Variants in KDM4C observed in about 807,000 individuals in gnomAD.
KDM4C encodes lysine-specific demethylase 4C.
A neutral mutation model predicts 129.3 loss-of-function variants in KDM4C; 81 were observed. That is an observed-to-expected ratio of 0.63 (90% CI 0.52 to 0.75). KDM4C has a LOEUF of 0.75. KDM4C is among the 30% of genes least tolerant of loss of function. The pLI, the probability that KDM4C is intolerant of heterozygous loss-of-function variation, is 0.00. For synonymous variants in KDM4C, 573 were observed against 456.1 expected (o/e 1.26, Z -3.26); for missense variants, 1,457 against 1,304.0 (o/e 1.12, Z -1.81).
At chr9:6,740,493 G>A (rs1164865117) in intron 1 of KDM4C, among the ~76,000 whole-genome samples, 3 of 151,502 alleles carry the variant, frequency 2.0e-5, no homozygotes, top group Non-Finnish European at 2.9e-5. Flanking sequence ...GTGAGCCACT[G>A]CGCCTGGCCT....
At chr9:6,743,665 G>C (rs992744123) in intron 1 of KDM4C, among the ~76,000 whole-genome samples, 1 of 151,950 alleles carries the variant, frequency 6.6e-6, no homozygotes, top group African/African-American at 2.4e-5. Flanking sequence ...GTACAACCAA[G>C]CCTGGCTATT....
intron 18 of KDM4C, among the ~76,000 whole-genome samples, chr9:7,119,338 G>A (rs559058362): frequency 6.6e-6 from 1 of 152,206 alleles, no homozygotes; most frequent in Non-Finnish European, 1.5e-5. Flanking sequence ...AGAAAAATTT[G>A]TGTCTTAGAA....
rs185351418 is a variant in KDM4C at position 6,779,834 on chromosome 9, A to G, written c.-17-13138A>G. On this transcript the variant is annotated intron_variant, in intron 1 of 21. Transcript: ENST00000381309. ...TTTACAAATACCAGATGTGCATCAC[A>G]TGGAGGTTTATTCACTCCTATTTGC... Among the ~76,000 whole-genome samples the G allele has an allele frequency of 3.0e-4, 45 of 152,330 alleles. No homozygotes were observed. In the East Asian group the frequency reaches 4.2e-3, roughly 14 times the overall value.
Position 6,814,763 on chromosome 9 carries a change from G to A in KDM4C, c.435+18G>A, listed in dbSNP as rs1315238889. ...ATGATGAGGTACATTCATATTTACA[G>A]TGAGTTTTGTAAAGATCATTGGATG... On this transcript the variant is annotated intron_variant, in intron 4 of 21. Transcript: ENST00000381309. 7 of 1,444,620 alleles carry A rather than the reference G, an allele frequency of 4.8e-6. No homozygotes were observed. In the South Asian group the frequency reaches 7.1e-5, roughly 15 times the overall value. 89.5% of individuals were successfully genotyped at this position (1,444,620 alleles called of 1,614,324 possible). A position where few individuals can be genotyped will look rare whatever the true frequency, so the allele number is the denominator to read the frequency against.
chr9:6,925,131 A>G, intron 8 of KDM4C: 1 of 985,372 alleles, frequency 1.0e-6, no homozygotes, highest in Non-Finnish European at 1.2e-6. Context: ...GAACTCTTTC[A>G]TGGATGCCAA....
intron 1 of KDM4C, among the ~76,000 whole-genome samples, chr9:6,790,259 T>A (rs1018574333): frequency 1.3e-5 from 2 of 151,738 alleles, no homozygotes; most frequent in East Asian, 4.0e-4. Context: ...TGCTCTGTTT[T>A]TTTTGTTTTT....
At chr9:7,047,650 G>A (rs971262725) in intron 16 of KDM4C, among the ~76,000 whole-genome samples, 1 of 152,040 alleles carries the variant, frequency 6.6e-6, no homozygotes, top group Non-Finnish European at 1.5e-5. Context: ...CCAGATTCAT[G>A]TCTAAGATAT....
chr9:6,820,704 C>T (rs1416191376), intron 4 of KDM4C, among the ~76,000 whole-genome samples: 1 of 113,900 alleles, frequency 8.8e-6, no homozygotes, highest in Non-Finnish European at 1.8e-5. Flanking sequence ...CTTGATCTCT[C>T]TCTCTCTCTC....
At chr9:6,727,285 T>G (rs946362801) in intron 1 of KDM4C, 1 of 151,354 alleles carries the variant, frequency 6.6e-6, no homozygotes, top group African/African-American at 2.4e-5. Context: ...ACCCCGTCTC[T>G]ACTAAAAATA....
At chr9:6,763,419 C>A (rs1381147223) in intron 1 of KDM4C, among the ~76,000 whole-genome samples, 1 of 152,166 alleles carries the variant, frequency 6.6e-6, no homozygotes, top group Non-Finnish European at 1.5e-5. Context: ...ATCCTGCACA[C>A]TGGCCATAGC....
At chr9:6,753,412 A>G (rs560959661), upstream of KDM4C, among the ~76,000 whole-genome samples, 65 of 152,304 alleles carry the variant, frequency 4.3e-4, 1 homozygote, top group South Asian at 0.011. Context: ...GTGCTATAAT[A>G]GGATACCACA....
intron 1 of KDM4C, among the ~76,000 whole-genome samples, chr9:6,765,336 C>G (rs1334332677): frequency 1.3e-5 from 2 of 152,156 alleles, no homozygotes; most frequent in Non-Finnish European, 2.9e-5. Flanking sequence ...CCTTTTCATA[C>G]ATCTTTCTGA....
intron 19 of KDM4C, among the ~76,000 whole-genome samples, chr9:7,158,846 G>T (rs1843472934): frequency 6.6e-6 from 1 of 152,198 alleles, no homozygotes; most frequent in African/African-American, 2.4e-5. Context: ...TCCTGTAGAT[G>T]TCTTTTAGGT....
chr9:6,890,190 T>C (rs971702838), intron 7 of KDM4C, among the ~76,000 whole-genome samples: 1 of 152,212 alleles, frequency 6.6e-6, no homozygotes, highest in Non-Finnish European at 1.5e-5. Flanking sequence ...AGCACAATGG[T>C]AGCACAGGCT....
intron 15 of KDM4C, among the ~76,000 whole-genome samples, chr9:7,029,328 G>C (rs952828023): frequency 7.4e-6 from 1 of 135,042 alleles, no homozygotes; most frequent in African/African-American, 2.6e-5. Context: ...ACTGAAAATT[G>C]TTAAGGCTAA....
Position 6,805,742 on chromosome 9 carries a change from G to A in KDM4C, c.288G>A (p.Val96=). ...ACATCCAGAAAAAAGCGATGACTGTGAAGGAGTTCAGGCAGCTGGCCAACA... is the reference window on the plus strand; with the variant it reads ...ACATCCAGAAAAAAGCGATGACTGTAAAGGAGTTCAGGCAGCTGGCCAACA... ...QYNIQKKAMT[V]KEFRQLANSG... The change falls in exon 3 of 22, where the codon GTG becomes GTA. Residue 96 remains valine, a synonymous_variant. Transcript: ENST00000381309. The A allele has an allele frequency of 6.2e-7, 1 of 1,613,544 alleles. No individual in the cohort carries two copies. Among genetic ancestry groups the A allele is most frequent in the South Asian group, 1.1e-5 (1 of 90,786 alleles).
intron 1 of KDM4C, among the ~76,000 whole-genome samples, chr9:6,736,086 T>C (rs1007815337): frequency 6.6e-6 from 1 of 152,162 alleles, no homozygotes; most frequent in Non-Finnish European, 1.5e-5. Flanking sequence ...TGTGGAACTT[T>C]GAATTTGACA....
rs968514072 is a variant in KDM4C, at chr9:7,068,736, G to A, written c.2424+19536G>A. Among the ~76,000 whole-genome samples, 6 of 114,530 alleles carry A rather than the reference G, an allele frequency of 5.2e-5. No homozygotes were observed. The East Asian group carries it at 1.0e-3, about 20-fold the overall frequency. The allele number at this position is 114,530 out of a possible 152,430, so 75.1% of individuals were successfully genotyped here. A position where few individuals can be genotyped will look rare whatever the true frequency, so the allele number is the denominator to read the frequency against. ...TTTGAAACAGAATTTTGCTCTTGTC[G>A]CCCAGGCTGGAGTGCAATGGTGCAA... On this transcript the variant is annotated intron_variant, in intron 17 of 21. Transcript: ENST00000381309.
chr9:6,805,839 A>G, intron 3 of KDM4C, 65 bp downstream of exon 3: 2 of 1,438,048 alleles, frequency 1.4e-6, no homozygotes, highest in Middle Eastern at 1.8e-4. Context: ...TTAAGAAACA[A>G]AGTAGACAGA....
Sources: gnomAD v4.1 joint callset for allele counts (sites outside exome capture counted in the v4.1 genomes callset) on GRCh38, gnomAD v4.1.1 for gene constraint, MANE v1.5 for transcripts, NCBI Gene and HGNC (gene_info 2026-07-23, HGNC 2026-07-21) for gene names.